PLB1: variants seen among roughly 807,000 people sequenced by gnomAD.
The protein encoded by PLB1 is phospholipase B1, membrane-associated.
PLB1 carries 242 observed loss-of-function variants against 227.4 expected under a neutral mutation model. The ratio of observed to expected loss-of-function variants is 1.06; its 90% CI spans 0.96 to 1.18. The LOEUF (loss-of-function observed/expected upper bound fraction) is 1.18. Among genes scored for constraint, PLB1 ranks in the 50% most tolerant of loss-of-function variants. The pLI is 0.00. For missense variants in PLB1, 1,858 were observed against 1,816.3 expected (o/e 1.02, Z -0.42); for synonymous variants, 757 against 682.2 (o/e 1.11, Z -1.71).
At position 28,624,027 on chromosome 2, in the gene PLB1, G is replaced by C. The variant is rs561845817; in HGVS notation, c.3528-1030G>C. On this transcript the variant is annotated intron_variant, in intron 49 of 57. Transcript: ENST00000327757. ...TGGGAGGATCACTTGAGCTCAGAGGGGTTGAGGCTGCAGTGAGCCGTGATC... is the reference window on the plus strand; with the variant it reads ...TGGGAGGATCACTTGAGCTCAGAGGCGTTGAGGCTGCAGTGAGCCGTGATC... Among the ~76,000 whole-genome samples, 10 of 152,244 alleles carry C rather than the reference G, an allele frequency of 6.6e-5. No individual in the cohort carries two copies. In the East Asian group the frequency reaches 1.7e-3, roughly 26 times the overall value.
At chr2:28,570,152 G>A (rs1015251737) in intron 20 of PLB1, among the ~76,000 whole-genome samples, 2 of 152,040 alleles carry the variant, frequency 1.3e-5, no homozygotes, top group Non-Finnish European at 2.9e-5. Context: ...AACAGAAGAG[G>A]AAGGAATGCT....
At chr2:28,609,399 C>G (rs1685128833) in intron 43 of PLB1, among the ~76,000 whole-genome samples, 4 of 151,972 alleles carry the variant, frequency 2.6e-5, no homozygotes, top group Admixed American at 6.5e-5. Context: ...CTTGGATGCT[C>G]TATCTGGTAT....
intron 25 of PLB1, among the ~76,000 whole-genome samples, chr2:28,584,959 T>C (rs960050296): frequency 2.0e-5 from 3 of 152,208 alleles, no homozygotes; most frequent in Admixed American, 2.0e-4. Flanking sequence ...AGCCTGGGTT[T>C]CCTCATCTCT....
intron 1 of PLB1, among the ~76,000 whole-genome samples, chr2:28,496,852 G>A (rs1666510151): frequency 6.6e-6 from 1 of 152,190 alleles, no homozygotes; most frequent in Admixed American, 6.5e-5. Flanking sequence ...GGGCCTTAAA[G>A]ATCTTTCATC....
Position 28,565,301 on chromosome 2 carries a change from A to G in PLB1, c.1228A>G (p.Thr410Ala), listed in dbSNP as rs1327853449. The change falls in exon 19 of 58, where the codon ACA becomes GCA. Residue 410 changes from threonine (T) to alanine (A), a missense_variant. Thr to Ala is a moderately conservative substitution (Grantham distance 58). Transcript: ENST00000327757. ...SLTAGNGAGS[T>A]PGNVLDVLTQ... ...TCAGGCAGGCAATGGGGCCGGGTCC[A>G]CACCTGGGAACGTCTTGGACGTCTT... 6.2e-7 allele frequency: 1 copy of G among 1,612,168 alleles called. No homozygotes were observed. The highest frequency in any genetic ancestry group is 1.1e-5 in the South Asian group (1 of 90,244).
rs959913110 is a variant in PLB1 at position 28,620,417 on chromosome 2, A to T, written c.3383+85A>T. 3 of 1,407,084 alleles carry T rather than the reference A, an allele frequency of 2.1e-6. No individual in the cohort carries two copies. In the African/African-American group the frequency reaches 4.3e-5, roughly 20 times the overall value. 87.2% of individuals were successfully genotyped at this position (1,407,084 alleles called of 1,614,324 possible). A position where few individuals can be genotyped will look rare whatever the true frequency, so the allele number is the denominator to read the frequency against. ...TGTGTTTCCTGTCACCCCTCCAGGG[A>T]TGCAGTTGGGTCCCCAGGTCCCAGC... On this transcript the variant is annotated intron_variant, in intron 47 of 57. Coordinates refer to ENST00000327757, the MANE Select transcript of PLB1 (RefSeq NM_153021.5).
chr2:28,506,603 G>A (rs897287048), intron 1 of PLB1, among the ~76,000 whole-genome samples: 2 of 152,206 alleles, frequency 1.3e-5, no homozygotes, highest in African/African-American at 4.8e-5. Context: ...AACTAAACTG[G>A]TGGAGTGACC....
At chr2:28,615,007 C>T (rs1036515335) in intron 44 of PLB1, among the ~76,000 whole-genome samples, 2 of 152,054 alleles carry the variant, frequency 1.3e-5, no homozygotes, top group Non-Finnish European at 2.9e-5. Flanking sequence ...CTCTGAGGAG[C>T]GTGATGGGGC....
chr2:28,565,963 T>C (rs1401638974), intron 19 of PLB1, among the ~76,000 whole-genome samples: 1 of 152,120 alleles, frequency 6.6e-6, no homozygotes, highest in South Asian at 2.1e-4. Flanking sequence ...AGCCAGAAGA[T>C]AAAAGATCAG....
chr2:28,593,785 T>TC (rs372213097), intron 33 of PLB1, 31 bp downstream of exon 33: 5 of 1,582,170 alleles, frequency 3.2e-6, no homozygotes, highest in Non-Finnish European at 4.3e-6. Context: ...CTCCCAGCGT[T>TC]CCCCCCACAA....
At chr2:28,591,224 C>T (rs1280421910) in intron 30 of PLB1, 53 bp downstream of exon 30, 1 of 1,607,852 alleles carries the variant, frequency 6.2e-7, no homozygotes, top group Non-Finnish European at 8.5e-7. Context: ...TGGGCAACCC[C>T]TGGGCTGGGA....
chr2:28,519,344 T>C (rs1485071151), intron 3 of PLB1, among the ~76,000 whole-genome samples: 1 of 152,218 alleles, frequency 6.6e-6, no homozygotes, highest in Non-Finnish European at 1.5e-5. Flanking sequence ...TGTGTTGTCC[T>C]CTCATTCGTG....
At chr2:28,500,720 C>T (rs917692420) in intron 1 of PLB1, among the ~76,000 whole-genome samples, 11 of 151,448 alleles carry the variant, frequency 7.3e-5, no homozygotes, top group African/African-American at 2.2e-4. Flanking sequence ...GAGACCAGCT[C>T]GGGCAATATA....
At position 28,518,496 on chromosome 2, in the gene PLB1, C is replaced by T. The variant is rs1669121269; in HGVS notation, c.148C>T (p.Pro50Ser). The T allele has an allele frequency of 1.1e-5, 17 of 1,613,224 alleles. No individual in the cohort carries two copies. Among genetic ancestry groups the T allele is most frequent in the Non-Finnish European group, 1.4e-5 (16 of 1,179,230 alleles). The part of the protein sequence containing the change: ...TLKNSPFPCN[P>S]NKLGVNMPSK... The stretch of plus-strand genomic sequence containing the variant: ...GAAGAATTCTCCATTCCCATGCAAC[C>T]CAAATAAATTAGGAGTGAATATGCC... Residue 50 changes from proline to serine, a missense_variant, in exon 3 of 58, where the codon CCA becomes TCA. Pro to Ser is a moderately conservative substitution (Grantham distance 74). Transcript: ENST00000327757.
At position 28,643,020 on chromosome 2, in the gene PLB1, A is replaced by C. The variant is rs746895003; in HGVS notation, c.4336A>C (p.Arg1446=). 2.0e-5 allele frequency: 32 copies of C among 1,610,422 alleles called. No individual in the cohort carries two copies. Among genetic ancestry groups the C allele is most frequent in the Non-Finnish European group, 2.6e-5 (31 of 1,178,742 alleles). The part of the protein sequence containing the change: ...VVWRCRRGGR[R]EDPPMSLRTV... ...CTGGAGGTGCAGGAGAGGTGGCCGGAGGGAAGATCCTCCAATGAGCCTGCG... is the reference window on the plus strand; with the variant it reads ...CTGGAGGTGCAGGAGAGGTGGCCGGCGGGAAGATCCTCCAATGAGCCTGCG... The change falls in exon 58 of 58, where the codon AGG becomes CGG. Residue 1446 remains arginine (R), a synonymous_variant. Transcript: ENST00000327757.
At chr2:28,593,937 T>A in intron 33 of PLB1, 183 bp downstream of exon 33, 1 of 737,854 alleles carries the variant, frequency 1.4e-6, no homozygotes, top group Non-Finnish European at 2.5e-6. Flanking sequence ...GATATTTTAC[T>A]GTTGATAATC....
At chr2:28,505,108 A>T (rs1487816218) in intron 1 of PLB1, among the ~76,000 whole-genome samples, 1 of 152,212 alleles carries the variant, frequency 6.6e-6, no homozygotes, top group African/African-American at 2.4e-5. Context: ...CAGTTCATGT[A>T]TAACAGCCTT....
intron 1 of PLB1, among the ~76,000 whole-genome samples, chr2:28,496,530 T>C (rs1572583736): frequency 6.6e-6 from 1 of 152,252 alleles, no homozygotes; most frequent in South Asian, 2.1e-4. Context: ...ATCCTTAAAA[T>C]GGAAATACTA....
intron 20 of PLB1, among the ~76,000 whole-genome samples, chr2:28,567,516 G>T (rs1257789826): frequency 1.5e-5 from 2 of 131,308 alleles, no homozygotes; most frequent in Non-Finnish European, 3.1e-5. Flanking sequence ...TCTGTTGCCA[G>T]GCTGGAGTGC....
Sources: gnomAD v4.1 joint callset for allele counts (sites outside exome capture counted in the v4.1 genomes callset) on GRCh38, gnomAD v4.1.1 for gene constraint, MANE v1.5 for transcripts, NCBI Gene and HGNC (gene_info 2026-07-23, HGNC 2026-07-21) for gene names.